Variants in MSI2 observed in about 807,000 individuals in gnomAD.
MSI2 encodes the protein musashi RNA binding protein 2.
Under a neutral mutation model 45.6 loss-of-function variants are expected in MSI2, and 17 were observed. The ratio of observed to expected loss-of-function variants is 0.37; its 90% CI spans 0.26 to 0.56. The LOEUF (loss-of-function observed/expected upper bound fraction) is 0.56. MSI2 is among the 20% of genes least tolerant of loss of function. MSI2 has a pLI of 0.77. For synonymous variants in MSI2, 156 were observed against 158.2 expected (o/e 0.99, Z 0.11); for missense variants, 293 against 444.2 (o/e 0.66, Z 3.06).
At chr17:57,521,052 A>G (rs1333563041) in intron 6 of MSI2, among the ~76,000 whole-genome samples, 2 of 152,178 alleles carry the variant, frequency 1.3e-5, no homozygotes, top group Non-Finnish European at 2.9e-5. Context: ...TTTCAGATGG[A>G]TGCAAACTAG....
At chr17:57,298,282 T>C (rs1228948804) in intron 5 of MSI2, among the ~76,000 whole-genome samples, 1 of 152,248 alleles carries the variant, frequency 6.6e-6, no homozygotes, top group Non-Finnish European at 1.5e-5. Flanking sequence ...TCTTCTTGTA[T>C]ACCTCCATCA....
At chr17:57,575,605 C>T (rs2088016698) in intron 7 of MSI2, among the ~76,000 whole-genome samples, 1 of 152,146 alleles carries the variant, frequency 6.6e-6, no homozygotes, top group African/African-American at 2.4e-5. Flanking sequence ...CACCTCAGAC[C>T]TTCAGCTAAG....
chr17:57,563,098 CAAAAAAA>C (rs59975200), intron 7 of MSI2, among the ~76,000 whole-genome samples: 4 of 71,272 alleles, frequency 5.6e-5, no homozygotes, highest in Admixed American at 1.9e-4. Context: ...ACTTCGTCTC[CAAAAAAA>C]AAAAAAAAAA....
intron 10 of MSI2, among the ~76,000 whole-genome samples, chr17:57,640,457 A>C (rs1164909022): frequency 1.3e-5 from 2 of 152,236 alleles, no homozygotes; most frequent in Non-Finnish European, 2.9e-5. Flanking sequence ...CGCTACAGTT[A>C]TTACCTTGGG....
At chr17:57,306,450 T>C (rs1911906484) in intron 5 of MSI2, among the ~76,000 whole-genome samples, 1 of 152,216 alleles carries the variant, frequency 6.6e-6, no homozygotes, top group Non-Finnish European at 1.5e-5. Context: ...TGGCTTCCTT[T>C]GTAGACACGT....
In MSI2 at chr17:57,376,632, A is replaced by G. The variant is rs765737260; in HGVS notation, c.313-24747A>G. ...CTAAAGGTAGACAGCAGAAATAAAAATCCTGAGGCCCACCGTTGTCTTCCT... is the reference window on the plus strand; with the variant it reads ...CTAAAGGTAGACAGCAGAAATAAAAGTCCTGAGGCCCACCGTTGTCTTCCT... On this transcript the variant is annotated intron_variant, in intron 5 of 13. Coordinates refer to ENST00000284073, the MANE Select transcript of MSI2 (RefSeq NM_138962.4). 5.8e-4 allele frequency among the ~76,000 whole-genome samples: 88 copies of G among 152,270 alleles called. 1 individual carries two copies. The highest frequency in any genetic ancestry group is 2.1e-4 in the South Asian group (1 of 4,824).
chr17:57,617,115 T>C (rs1907787623), intron 9 of MSI2, among the ~76,000 whole-genome samples: 1 of 152,186 alleles, frequency 6.6e-6, no homozygotes, highest in Non-Finnish European at 1.5e-5. Flanking sequence ...TGACAAAGAA[T>C]TGTATCTACT....
At chr17:57,264,615 A>G (rs1907610983) in intron 5 of MSI2, 1 of 152,268 alleles carries the variant, frequency 6.6e-6, no homozygotes, top group African/African-American at 2.4e-5. Context: ...GCCAGGCACT[A>G]TTGCAGAGAC....
At chr17:57,641,942 G>A (rs941427227) in intron 10 of MSI2, among the ~76,000 whole-genome samples, 6 of 152,170 alleles carry the variant, frequency 3.9e-5, no homozygotes, top group South Asian at 2.1e-4. Context: ...AGAGAGTGAC[G>A]CTGAACCAAG....
At chr17:57,551,994 G>T (rs2087317566) in intron 7 of MSI2, among the ~76,000 whole-genome samples, 1 of 152,168 alleles carries the variant, frequency 6.6e-6, no homozygotes, top group Non-Finnish European at 1.5e-5. Context: ...GCTCCAAAGG[G>T]TTGCCTCCTA....
Position 57,407,754 on chromosome 17 carries a change from C to G in MSI2, c.405+6283C>G, listed in dbSNP as rs75642592. On this transcript the variant is annotated intron_variant, in intron 6 of 13. Coordinates refer to ENST00000284073, the MANE Select transcript of MSI2 (RefSeq NM_138962.4). The surrounding 1 kb of genome is among the most constrained non-coding windows in gnomAD (Gnocchi z 4.1). Reference sequence around the variant, plus strand: ...GGAAGGACCATGCGCACGCTCTTCCCTGGCTGAAGGCTACTTTTGTGTTTA... The same window carrying G: ...GGAAGGACCATGCGCACGCTCTTCCGTGGCTGAAGGCTACTTTTGTGTTTA... 0.033 allele frequency among the ~76,000 whole-genome samples: 5,023 copies of G among 152,292 alleles called. 284 individuals carry two copies. Among genetic ancestry groups the G allele is most frequent in the African/African-American group, 0.11 (4,754 of 41,538 alleles).
intron 10 of MSI2, chr17:57,629,623 G>A (rs190897544): frequency 1.3e-5 from 2 of 152,460 alleles, no homozygotes; most frequent in Non-Finnish European, 2.9e-5. Context: ...TGTTACTGGG[G>A]GGTGCACGGT....
intron 10 of MSI2, among the ~76,000 whole-genome samples, chr17:57,647,763 G>A (rs561255516): frequency 6.6e-5 from 10 of 151,228 alleles, no homozygotes; most frequent in Admixed American, 1.3e-4. Flanking sequence ...TCGTGCCTCC[G>A]CCTCCCAAGT....
chr17:57,305,700 A>G (rs531300545), intron 5 of MSI2, among the ~76,000 whole-genome samples: 1 of 152,242 alleles, frequency 6.6e-6, no homozygotes, highest in South Asian at 2.1e-4. Context: ...AGCCTGACAC[A>G]CAGAATAAAA....
chr17:57,450,305 AAGAAAG>A (rs1238163203), intron 6 of MSI2: 3 of 144,000 alleles, frequency 2.1e-5, no homozygotes, highest in Non-Finnish European at 4.6e-5. Context: ...GAAAGAAAGA[AAGAAAG>A]AAAGAAAGAA....
At chr17:57,578,771 A>G (rs996118818) in intron 7 of MSI2, among the ~76,000 whole-genome samples, 2 of 152,078 alleles carry the variant, frequency 1.3e-5, no homozygotes, top group Admixed American at 1.3e-4. Context: ...TTCAATATCA[A>G]GTTTCATAAG....
intron 5 of MSI2, among the ~76,000 whole-genome samples, chr17:57,318,843 C>T (rs1390656773): frequency 2.6e-5 from 4 of 152,168 alleles, no homozygotes; most frequent in Non-Finnish European, 2.9e-5. Flanking sequence ...CCTTAGGATT[C>T]CGTGGCTGAT....
At chr17:57,405,062 G>A (rs2084058199) in intron 6 of MSI2, among the ~76,000 whole-genome samples, 1 of 152,110 alleles carries the variant, frequency 6.6e-6, no homozygotes, top group Non-Finnish European at 1.5e-5. Context: ...CTGTTCCGGG[G>A]TTGTCTGTCC....
chr17:57,256,377 C>T (rs1368780692), upstream of MSI2, among the ~76,000 whole-genome samples: 1 of 150,724 alleles, frequency 6.6e-6, no homozygotes, highest in Non-Finnish European at 1.5e-5. Flanking sequence ...CACGGGGGTG[C>T]GTGACGTCAC....
Sources: gnomAD v4.1 joint callset for allele counts (sites outside exome capture counted in the v4.1 genomes callset) on GRCh38, gnomAD v4.1.1 for gene constraint, Gnocchi (gnomAD v3.1) non-coding constraint, MANE v1.5 for transcripts, NCBI Gene and HGNC (gene_info 2026-07-23, HGNC 2026-07-21) for gene names.